KAZN: variants seen among roughly 807,000 people sequenced by gnomAD.
KAZN encodes the protein kazrin.
In KAZN, 40 loss-of-function variants were observed where a neutral mutation model predicts 87.4. The observed-to-expected ratio is 0.46, with a 90% CI of 0.36 to 0.60. The LOEUF (loss-of-function observed/expected upper bound fraction) is 0.60, where lower values mean the gene tolerates loss of function less well. Among genes scored for constraint, KAZN ranks in the 20% least tolerant of loss-of-function variants. The probability of loss-of-function intolerance (pLI) is 0.00; values close to 1 mark genes in which losing one functional copy is unlikely to be tolerated. For missense variants in KAZN, 898 were observed against 1,073.9 expected (o/e 0.84, Z 2.29); for synonymous variants, 466 against 458.3 (o/e 1.02, Z -0.22).
At chr1:14,942,049 G>C (rs987011973) in intron 1 of KAZN, among the ~76,000 whole-genome samples, 3 of 152,198 alleles carry the variant, frequency 2.0e-5, no homozygotes, top group Non-Finnish European at 4.4e-5. Flanking sequence ...GTCCCAAGTC[G>C]TGTTACAATG....
At chr1:14,463,065 A>C (rs1266617557) in intron 2 of KAZN, among the ~76,000 whole-genome samples, 1 of 152,228 alleles carries the variant, frequency 6.6e-6, no homozygotes, top group African/African-American at 2.4e-5. Flanking sequence ...AACTGCATTT[A>C]TATTCACTTA....
At chr1:14,534,205 C>T (rs1672360379) in intron 2 of KAZN, among the ~76,000 whole-genome samples, 1 of 152,192 alleles carries the variant, frequency 6.6e-6, no homozygotes, top group Non-Finnish European at 1.5e-5. Flanking sequence ...CTAGACTCAG[C>T]TTTGGAAAAC....
chr1:14,196,338 A>C (rs922281847), intron 2 of KAZN, among the ~76,000 whole-genome samples: 3 of 152,236 alleles, frequency 2.0e-5, no homozygotes, highest in Non-Finnish European at 4.4e-5. Flanking sequence ...AACCTGTACA[A>C]TAGGGCCTAA....
intron 2 of KAZN, among the ~76,000 whole-genome samples, chr1:15,029,807 C>T (rs1217908066): frequency 6.6e-6 from 1 of 152,194 alleles, no homozygotes; most frequent in Admixed American, 6.5e-5. Flanking sequence ...GATTTCCCTG[C>T]CAACCAGAGG....
chr1:14,185,451 G>A (rs1366484550), intron 2 of KAZN, among the ~76,000 whole-genome samples: 3 of 152,178 alleles, frequency 2.0e-5, no homozygotes, highest in Non-Finnish European at 4.4e-5. Flanking sequence ...ATTCAAAGGA[G>A]TCTTAGCACA....
At chr1:13,906,313 T>G (rs1639433957) in intron 1 of KAZN, among the ~76,000 whole-genome samples, 1 of 152,182 alleles carries the variant, frequency 6.6e-6, no homozygotes, top group Non-Finnish European at 1.5e-5. Flanking sequence ...TCTACCATAC[T>G]AACTCCCTGA....
intron 1 of KAZN, chr1:14,929,876 GGGGACTCCAGGCTTTCTCTC>G (rs1659610092): frequency 1.0e-6 from 1 of 985,338 alleles, no homozygotes; most frequent in Non-Finnish European, 1.2e-6. Flanking sequence ...CTATGAAGGT[GGGGACTCCAGGCTTTCTCTC>G]GTCTGCTTTT....
At chr1:14,360,361 T>TA (rs1181998506) in intron 2 of KAZN, among the ~76,000 whole-genome samples, 1 of 152,204 alleles carries the variant, frequency 6.6e-6, no homozygotes, top group East Asian at 1.9e-4. Context: ...TCAAGGTTTT[T>TA]AGCTTCCTTG....
intron 2 of KAZN, among the ~76,000 whole-genome samples, chr1:14,371,230 G>A (rs1022003779): frequency 3.3e-5 from 5 of 152,194 alleles, no homozygotes; most frequent in African/African-American, 1.2e-4. Context: ...GGATGCTGAT[G>A]CTGCTGGTCA....
intron 1 of KAZN, among the ~76,000 whole-genome samples, chr1:14,030,635 TACACACACACACACAC>T (rs60838104): frequency 2.6e-4 from 37 of 145,024 alleles, no homozygotes; most frequent in African/African-American, 4.4e-4. Context: ...TGTACACAGA[TACACACACACACACAC>T]ACACACACAC....
intron 2 of KAZN, among the ~76,000 whole-genome samples, chr1:14,997,916 T>G (rs890130112): frequency 8.5e-5 from 13 of 152,194 alleles, no homozygotes; most frequent in Admixed American, 8.5e-4. Flanking sequence ...ATCTGTGAAA[T>G]GGATGTAGAA....
intron 1 of KAZN, among the ~76,000 whole-genome samples, chr1:14,837,788 C>T (rs557233950): frequency 3.9e-5 from 6 of 151,968 alleles, no homozygotes; most frequent in South Asian, 2.1e-4. Context: ...CTCCTGGATT[C>T]GAGCAATCCC....
intron 1 of KAZN, among the ~76,000 whole-genome samples, chr1:14,828,427 T>C (rs1490525452): frequency 6.6e-6 from 1 of 152,170 alleles, no homozygotes; most frequent in Non-Finnish European, 1.5e-5. Context: ...TATCGATCAA[T>C]TGGATGAAAT....
At chr1:14,060,447 C>G (rs1642751130) in intron 1 of KAZN, among the ~76,000 whole-genome samples, 1 of 151,228 alleles carries the variant, frequency 6.6e-6, no homozygotes, top group Non-Finnish European at 1.5e-5. Flanking sequence ...CCAACTGGTT[C>G]TAGAATAGTT....
intron 2 of KAZN, among the ~76,000 whole-genome samples, chr1:14,240,802 C>T (rs1437967709): frequency 1.3e-5 from 2 of 152,214 alleles, no homozygotes; most frequent in African/African-American, 4.8e-5. Context: ...ATATTGGAGC[C>T]AGCTTTGTAG....
In KAZN at chr1:14,598,825, C is replaced by T. The variant is rs2148593273; in HGVS notation, c.-173C>T. The T allele has an allele frequency of 2.2e-6, 3 of 1,381,120 alleles. No individual in the cohort carries two copies. Among genetic ancestry groups the T allele is most frequent in the East Asian group, 6.2e-5 (2 of 32,224 alleles). 85.6% of individuals were successfully genotyped at this position (1,381,120 alleles called of 1,614,324 possible). On this transcript the variant is annotated 5_prime_UTR_variant, in exon 1 of 15. Transcript: ENST00000376030. This position sits in a 1 kb window ranked among gnomAD's most constrained non-coding sequence, Gnocchi z 4.2. ...GCCGCGGCTAGGGCTGGAGGCGCCGCTGTCATTCCTGTGCCGGAGGAACCG... is the reference window on the plus strand; with the variant it reads ...GCCGCGGCTAGGGCTGGAGGCGCCGTTGTCATTCCTGTGCCGGAGGAACCG...
At chr1:14,798,529 G>A (rs1440248365) in intron 1 of KAZN, among the ~76,000 whole-genome samples, 1 of 135,502 alleles carries the variant, frequency 7.4e-6, no homozygotes, top group Non-Finnish European at 1.5e-5. Context: ...CCACTTCCCA[G>A]GTTCACGCCA....
intron 2 of KAZN, among the ~76,000 whole-genome samples, chr1:14,499,033 G>A (rs2148423568): frequency 6.6e-6 from 1 of 152,160 alleles, no homozygotes; most frequent in African/African-American, 2.4e-5. Context: ...TAACCTTATT[G>A]ACGGTACCAT....
chr1:14,551,881 C>T (rs12038432), intron 2 of KAZN, among the ~76,000 whole-genome samples: 36,736 of 151,934 alleles, frequency 0.24, 5,833 homozygotes, highest in Non-Finnish European at 0.36. Flanking sequence ...CTCACCCCTC[C>T]TTGGCCCCGT....
Sources: allele counts gnomAD v4.1 joint callset (sites outside exome capture counted in the v4.1 genomes callset), GRCh38; gene constraint gnomAD v4.1.1; non-coding constraint Gnocchi (gnomAD v3.1); transcripts MANE v1.5; gene names NCBI Gene and HGNC (gene_info 2026-07-23, HGNC 2026-07-21).